Variants in PBX1 observed in about 807,000 individuals in gnomAD.
PBX1 encodes the protein PBX homeobox 1.
PBX1 carries 6 observed loss-of-function variants against 53.4 expected under a neutral mutation model. The observed-to-expected ratio is 0.11, with a 90% confidence interval of 0.06 to 0.22. The LOEUF is 0.22. PBX1 is among the 10% of genes least tolerant of loss of function. PBX1 has a pLI of 1.00. For missense variants in PBX1, 251 were observed against 551.4 expected (o/e 0.46, Z 5.46); for synonymous variants, 204 against 212.3 (o/e 0.96, Z 0.34).
chr1:164,569,441 T>C (rs923462752), intron 2 of PBX1, among the ~76,000 whole-genome samples: 6 of 152,120 alleles, frequency 3.9e-5, no homozygotes, highest in Non-Finnish European at 5.9e-5. Flanking sequence ...TGTTTTCTTA[T>C]ATGAAATAGA....
chr1:164,645,598 A>C (rs1659405091), intron 2 of PBX1, among the ~76,000 whole-genome samples: 2 of 152,090 alleles, frequency 1.3e-5, no homozygotes, highest in Admixed American at 1.3e-4. Flanking sequence ...TGGGAGAAAA[A>C]CCATGGCAGG....
chr1:164,655,100 G>GTGT (rs1553225088), intron 2 of PBX1, among the ~76,000 whole-genome samples: 55 of 138,814 alleles, frequency 4.0e-4, no homozygotes, highest in African/African-American at 1.1e-3. Context: ...TCTGATGTGT[G>GTGT]TTTTTTTTTT....
At chr1:164,804,451 TTAAAA>T (rs1162588867) in intron 4 of PBX1, among the ~76,000 whole-genome samples, 1 of 152,184 alleles carries the variant, frequency 6.6e-6, no homozygotes, top group Non-Finnish European at 1.5e-5. Flanking sequence ...AAATACTAAA[TTAAAA>T]TAAATAAACA....
intron 2 of PBX1, among the ~76,000 whole-genome samples, chr1:164,597,474 G>A (rs1655850768): frequency 6.6e-6 from 1 of 152,170 alleles, no homozygotes; most frequent in African/African-American, 2.4e-5. Flanking sequence ...GGAGCTATTT[G>A]GGGGTGCAGA....
chr1:164,865,510 A>G (rs1386377469), intron 2 of PBX1, among the ~76,000 whole-genome samples: 2 of 152,196 alleles, frequency 1.3e-5, no homozygotes, highest in Admixed American at 6.5e-5. Flanking sequence ...TCTTCATGTT[A>G]TCATGCTTAC....
chr1:164,700,484 C>T (rs554844823), intron 2 of PBX1: 29 of 985,252 alleles, frequency 2.9e-5, no homozygotes, highest in Middle Eastern at 5.2e-4. Context: ...TAGTGGCACC[C>T]GAAGGTTTCT....
Position 164,669,200 on chromosome 1 carries a change from A to G in PBX1, c.265+105889A>G, listed in dbSNP as rs904478511. On this transcript the variant is annotated intron_variant, in intron 2 of 8. Transcript: ENST00000420696. ...ACACGGAACACTAGTTGTGTTGGCA[A>G]TTATGTTAATGGGATGCTATTAGGC... 5.9e-5 allele frequency among the ~76,000 whole-genome samples: 9 copies of G among 152,256 alleles called. No homozygotes were observed. In the South Asian group the frequency reaches 1.0e-3, roughly 18 times the overall value.
chr1:164,869,101 C>T (rs979506461), intron 2 of PBX1, among the ~76,000 whole-genome samples: 4 of 152,200 alleles, frequency 2.6e-5, no homozygotes, highest in African/African-American at 4.8e-5. Flanking sequence ...AATGATGCCA[C>T]GCTGCAATCA....
chr1:164,786,053 C>T (rs1266490096), intron 2 of PBX1, among the ~76,000 whole-genome samples: 2 of 152,212 alleles, frequency 1.3e-5, no homozygotes, highest in Non-Finnish European at 2.9e-5. Context: ...TTCTACCCAA[C>T]AGCATGCTGG....
intron 2 of PBX1, among the ~76,000 whole-genome samples, chr1:164,862,635 C>G (rs1480630303): frequency 6.6e-6 from 1 of 152,146 alleles, no homozygotes; most frequent in Non-Finnish European, 1.5e-5. Flanking sequence ...CCACCATGGG[C>G]TGGAGATATG....
chr1:164,679,089 C>T (rs904714795), intron 2 of PBX1, among the ~76,000 whole-genome samples: 5 of 152,118 alleles, frequency 3.3e-5, no homozygotes, highest in African/African-American at 1.2e-4. Flanking sequence ...AAAAACCATC[C>T]ATCGGTTTTC....
In PBX1 at chr1:164,709,723, TAAAAC is replaced by T. The variant is rs541810073; in HGVS notation, c.266-82766_266-82762del. ...GTTGAAAAGCCATGAAAAAAAGAAT[TAAAAC>T]AAAAATGTGCCTCAGGCTCCTTTCA... On this transcript the variant is annotated intron_variant, in intron 2 of 8. Coordinates refer to ENST00000420696, the MANE Select transcript of PBX1 (RefSeq NM_002585.4). Among the ~76,000 whole-genome samples the T allele has an allele frequency of 5.9e-3, 891 of 152,296 alleles. 2 individuals carry two copies. The highest frequency in any genetic ancestry group is 0.01 in the Non-Finnish European group (689 of 68,020).
intron 8 of PBX1, among the ~76,000 whole-genome samples, chr1:164,839,578 G>C (rs531981223): frequency 1.3e-5 from 2 of 152,036 alleles, no homozygotes; most frequent in African/African-American, 2.4e-5. Context: ...AAGATGACAC[G>C]GATTTGTAGA....
chr1:164,565,461 G>A (rs1173483230), intron 2 of PBX1, among the ~76,000 whole-genome samples: 1 of 142,788 alleles, frequency 7.0e-6, no homozygotes, highest in East Asian at 2.8e-4. Flanking sequence ...ACAAGTCTTG[G>A]ATTAAGAGGG....
At chr1:164,706,762 C>G (rs1486893304) in intron 2 of PBX1, among the ~76,000 whole-genome samples, 1 of 152,130 alleles carries the variant, frequency 6.6e-6, no homozygotes, top group African/African-American at 2.4e-5. Context: ...CACACATAAC[C>G]CTACCCTCAA....
At position 164,751,580 on chromosome 1, in the gene PBX1, C is replaced by CTTTTT. The variant is rs776504167; in HGVS notation, c.266-40914_266-40913insTTTTT. Among the ~76,000 whole-genome samples, 49 of 142,050 alleles carry CTTTTT rather than the reference C, an allele frequency of 3.4e-4. 2 individuals are homozygous for CTTTTT. The highest frequency in any genetic ancestry group is 1.1e-3 in the African/African-American group (40 of 37,112). 93.2% of individuals were successfully genotyped at this position (142,050 alleles called of 152,430 possible). A position where few individuals can be genotyped will look rare whatever the true frequency, so the allele number is the denominator to read the frequency against. On this transcript the variant is annotated intron_variant, in intron 2 of 8. Coordinates refer to ENST00000420696, the MANE Select transcript of PBX1 (RefSeq NM_002585.4). Reference sequence around the variant, plus strand: ...TCAAATGTAATGGGTTTATTGCCCCCCTTTTTTTTTTTTTTTTTTGAGACA... The same window carrying CTTTTT: ...TCAAATGTAATGGGTTTATTGCCCCCTTTTTCTTTTTTTTTTTTTTTTTTGAGACA...
intron 2 of PBX1, among the ~76,000 whole-genome samples, chr1:164,715,355 G>A (rs1438536542): frequency 1.3e-5 from 2 of 152,176 alleles, no homozygotes; most frequent in Non-Finnish European, 2.9e-5. Context: ...ATGGAGTTTT[G>A]TTATTGTCAT....
intron 6 of PBX1, chr1:164,813,685 CT>C (rs1039044243): frequency 6.6e-6 from 1 of 152,238 alleles, no homozygotes; most frequent in African/African-American, 2.4e-5. Flanking sequence ...ATCAAAATGA[CT>C]TTTTCCTGTC....
chr1:164,608,085 G>A (rs1557888058), intron 2 of PBX1, among the ~76,000 whole-genome samples: 2 of 152,204 alleles, frequency 1.3e-5, no homozygotes, highest in East Asian at 3.9e-4. Context: ...GCAGAGAAGA[G>A]TGCCTTCATC....
Sources: allele counts gnomAD v4.1 joint callset (sites outside exome capture counted in the v4.1 genomes callset), GRCh38; gene constraint gnomAD v4.1.1; transcripts MANE v1.5; gene names NCBI Gene and HGNC (gene_info 2026-07-23, HGNC 2026-07-21).